CD151: variants seen among roughly 807,000 people sequenced by gnomAD.
CD151 encodes CD151 antigen.
CD151 carries 20 observed loss-of-function variants against 34.2 expected under a neutral mutation model. The ratio of observed to expected loss-of-function variants is 0.58; its 90% CI spans 0.41 to 0.85. CD151 has a LOEUF of 0.85. Ranked by LOEUF, CD151 falls within the 40% of genes least tolerant of loss-of-function variation. The pLI is 0.00. For synonymous variants in CD151, 157 were observed against 131.7 expected, an observed-to-expected ratio of 1.19 and a Z score of -1.32; for missense variants, 306 against 324.5, an observed-to-expected ratio of 0.94 and a Z score of 0.44.
chr11:836,845 T>C lies in CD151; in HGVS notation c.351+2T>C. On this transcript the variant is annotated splice_donor_variant, in intron 5 of 8. Transcript: ENST00000397420. LOFTEE classifies it high-confidence loss of function. ...CTCGCCTACGCCTACTACCAGCAGG[T>C]GAGGGGCCTGGGCAGGCCATTCAGA... 6.2e-7 allele frequency: 1 copy of C among 1,612,156 alleles called. No individual in the cohort carries two copies. Among genetic ancestry groups the C allele is most frequent in the Middle Eastern group, 1.7e-4 (1 of 6,058 alleles).
rs1436831302 is a variant in CD151 at position 836,333 on chromosome 11, C to G, written c.167C>G (p.Thr56Ser). ...TACATCAGCCTGCTGGCCTCAGGCA[C>G]CTACCTGGCCACAGCCTACATCCTG... ...SDYISLLASGTYLATAYILVV... is the reference protein window; with the variant it reads ...SDYISLLASGSYLATAYILVV... The change falls in exon 4 of 9, where the codon ACC becomes AGC. Residue 56 changes from threonine (T) to serine (S), a missense_variant. Coordinates refer to ENST00000397420, the MANE Select transcript of CD151 (RefSeq NM_004357.5). 6.2e-7 allele frequency: 1 copy of G among 1,612,656 alleles called. No homozygotes were observed.
Position 838,555 on chromosome 11 carries a change from C to T in CD151, c.*363C>T, listed in dbSNP as rs1399543977. ...AGGAACTGGGGCCTTGCCTTGCAGC[C>T]ACATGGCCCCATCCCAGTTGGGGAA... On this transcript the variant is annotated 3_prime_UTR_variant, in exon 9 of 9. Transcript: ENST00000397420. The T allele has an allele frequency of 8.6e-6, 3 of 349,064 alleles. No individual in the cohort carries two copies. The highest frequency in any genetic ancestry group is 1.6e-5 in the Non-Finnish European group (3 of 187,184). The allele number at this position is 349,064 out of a possible 1,614,324, so 21.6% of individuals were successfully genotyped here.
chr11:833,119 A>AGGGGCGCGAGGGGGGCGAGGGG (rs1226442366), intron 1 of CD151, 93 bp downstream of exon 1: 1 of 150,856 alleles, frequency 6.6e-6, no homozygotes, highest in African/African-American at 2.4e-5. Flanking sequence ...GAGGGGGCCG[A>AGGGGCGCGAGGGGGGCGAGGGG]AGGCCCTGCG....
rs777968034 is a variant in CD151, at chr11:836,046, C to T, written c.-7-17C>T. On this transcript the variant is annotated splice_polypyrimidine_tract_variant and intron_variant, in intron 2 of 8. Transcript: ENST00000397420. ...CCCGGTGCTGTGGCCCCGCTGACCC[C>T]TCCCCTGCCTCCTCAGCCCCAGGAT... 1.9e-6 allele frequency: 3 copies of T among 1,546,384 alleles called. No individual in the cohort carries two copies. Among genetic ancestry groups the T allele is most frequent in the Non-Finnish European group, 2.7e-6 (3 of 1,119,872 alleles).
intron 7 of CD151, 105 bp downstream of exon 7, chr11:837,723 G>A: frequency 3.2e-6 from 4 of 1,236,756 alleles, no homozygotes; most frequent in Non-Finnish European, 4.6e-6. Flanking sequence ...TCTACCAGGA[G>A]GTGGGGGGTC....
chr11:836,249 A>AGCTG lies in CD151; in HGVS notation c.90_93dup. On this transcript the variant is annotated splice_acceptor_variant, in intron 3 of 8. Coordinates refer to ENST00000397420, the MANE Select transcript of CD151 (RefSeq NM_004357.5). LOFTEE classifies it high-confidence loss of function. ...GCGATGACCTTTGTGTACTGCTTGT[A>AGCTG]GCTGGCTGGCCTGGCTGTCATGGCA... 6.3e-7 allele frequency: 1 copy of AGCTG among 1,596,018 alleles called. No individual in the cohort carries two copies. The highest frequency in any genetic ancestry group is 8.5e-7 in the Non-Finnish European group (1 of 1,170,600).
chr11:836,798 G>T lies in CD151; in HGVS notation c.306G>T (p.Leu102=). The T allele has an allele frequency of 6.2e-7, 1 of 1,612,742 alleles. No individual in the cohort carries two copies. The highest frequency in any genetic ancestry group is 8.5e-7 in the Non-Finnish European group (1 of 1,179,914). ...TCATCCTGCTCCTCATCATCTTTCTGCTGGAGATCATCGCTGGTATCCTCG... is the reference window on the plus strand; with the variant it reads ...TCATCCTGCTCCTCATCATCTTTCTTCTGGAGATCATCGCTGGTATCCTCG... The part of the protein sequence containing the change: ...LYFILLLIIF[L]LEIIAGILAY... The change falls in exon 5 of 9, where the codon CTG becomes CTT. Residue 102 remains leucine (L), a synonymous_variant. Transcript: ENST00000397420.
Position 836,837 on chromosome 11 carries a change from C to A in CD151, c.345C>A (p.Tyr115Ter). The change falls in exon 5 of 9, where the codon TAC becomes TAA. Residue 115 changes from tyrosine to a stop codon, truncating the protein, a stop_gained. Transcript: ENST00000397420. LOFTEE classifies it high-confidence loss of function. ...CTGGTATCCTCGCCTACGCCTACTA[C>A]CAGCAGGTGAGGGGCCTGGGCAGGC... Reference protein sequence around the residue: ...IIAGILAYAYYQQLNTELKEN... With the variant: ...IIAGILAYAY The A allele has an allele frequency of 6.2e-7, 1 of 1,612,596 alleles. No individual in the cohort carries two copies. The highest frequency in any genetic ancestry group is 8.5e-7 in the Non-Finnish European group (1 of 1,179,804).
chr11:838,636 C>T lies in CD151; in HGVS notation c.*444C>T, dbSNP rs1846874687. On this transcript the variant is annotated 3_prime_UTR_variant, in exon 9 of 9. Transcript: ENST00000397420. Reference sequence around the variant, plus strand: ...CCTCTGCCCCTCCCAACCCAGCCCTCGTCTCCCTCGACAGCGCCCCTGCTG... The same window carrying T: ...CCTCTGCCCCTCCCAACCCAGCCCTTGTCTCCCTCGACAGCGCCCCTGCTG... 3 of 232,456 alleles carry T rather than the reference C, an allele frequency of 1.3e-5. No homozygotes were observed. The highest frequency in any genetic ancestry group is 2.2e-4 in the East Asian group (2 of 9,118). 14.4% of individuals were successfully genotyped at this position (232,456 alleles called of 1,614,324 possible). A position where few individuals can be genotyped will look rare whatever the true frequency, so the allele number is the denominator to read the frequency against.
At position 837,330 on chromosome 11, in the gene CD151, C is replaced by T. The variant is rs370838704; in HGVS notation, c.432C>T (p.Ser144=). The T allele has an allele frequency of 1.2e-5, 19 of 1,612,724 alleles. No individual in the cohort carries two copies. Among genetic ancestry groups the T allele is most frequent in the Admixed American group, 5.0e-5 (3 of 60,002 alleles). ...AGCCGGGCCATGAGGCTGTGACCAG[C>T]GCTGTGGACCAGCTGCAGCAGGAGG... ...YHQPGHEAVT[S]AVDQLQQEFH... The change falls in exon 6 of 9, where the codon AGC becomes AGT. Residue 144 remains serine, a synonymous_variant. Transcript: ENST00000397420.
At position 838,296 on chromosome 11, in the gene CD151, A is replaced by T; in HGVS notation, c.*104A>T. On this transcript the variant is annotated 3_prime_UTR_variant, in exon 9 of 9. Transcript: ENST00000397420. ...GACACCCACCCTGTGCCATCACCAT[A>T]ACCTCTGGGGACCCCAACCTCAGAG... is the stretch of plus-strand genomic sequence containing the variant. 1.0e-6 allele frequency: 1 copy of T among 961,188 alleles called. No individual in the cohort carries two copies. The highest frequency in any genetic ancestry group is 2.5e-5 in the East Asian group (1 of 40,618). The allele number at this position is 961,188 out of a possible 1,614,324, so 59.5% of individuals were successfully genotyped here.
Position 836,173 on chromosome 11 carries a change from C to CG in CD151, c.84+20_84+21insG. 4 of 1,028,366 alleles carry CG rather than the reference C, an allele frequency of 3.9e-6. No individual in the cohort carries two copies. The highest frequency in any genetic ancestry group is 6.0e-6 in the Non-Finnish European group (4 of 670,000). 63.7% of individuals were successfully genotyped at this position (1,028,366 alleles called of 1,614,324 possible). On this transcript the variant is annotated intron_variant, in intron 3 of 8. Transcript: ENST00000397420. Reference sequence around the variant, plus strand: ...TTCTGGGTGAGGAGGGGTCGCCTTGCCCCCACCCCCACCCCCACCCCTCCC... The same window carrying CG: ...TTCTGGGTGAGGAGGGGTCGCCTTGCGCCCCACCCCCACCCCCACCCCTCCC...
In CD151 at chr11:837,524, A is replaced by C; in HGVS notation, c.521A>C (p.Glu174Ala). 6.2e-7 allele frequency: 1 copy of C among 1,613,030 alleles called. No homozygotes were observed. The highest frequency in any genetic ancestry group is 2.2e-5 in the East Asian group (1 of 44,880). ...GACAGTGAGTGGATCCGCTCACAGG[A>C]GGCCGGTGGCCGTGTGGTCCCAGAC... The part of the protein sequence containing the change: ...WRDSEWIRSQ[E>A]AGGRVVPDSC... The change falls in exon 7 of 9, where the codon GAG becomes GCG. Residue 174 changes from glutamate to alanine, a missense_variant. Transcript: ENST00000397420.
rs769404021 is a variant in CD151 at position 837,637 on chromosome 11, C to T, written c.615+19C>T. On this transcript the variant is annotated intron_variant, in intron 7 of 8. Coordinates refer to ENST00000397420, the MANE Select transcript of CD151 (RefSeq NM_004357.5). ...GGTGGAGGTGGGTGTGCAGCGGGAT[C>T]ATGCCTCCAGTGTCTACGAGGTGGT... The T allele has an allele frequency of 2.5e-6, 4 of 1,606,244 alleles. No homozygotes were observed. The Admixed American group carries it at 6.7e-5, about 27-fold the overall frequency.
chr11:837,906 CT>C, intron 7 of CD151, 35 bp from the exon 8 acceptor site: 2 of 1,540,302 alleles, frequency 1.3e-6, no homozygotes, highest in African/African-American at 1.4e-5. Flanking sequence ...GAGGTGCCCC[CT>C]GGGCCCGCCT....
At position 838,387 on chromosome 11, in the gene CD151, C is replaced by A. The variant is rs569611178; in HGVS notation, c.*195C>A. On this transcript the variant is annotated 3_prime_UTR_variant, in exon 9 of 9. Transcript: ENST00000397420. ...GGGGAGGTGAGGGGGGCTGGCGGGG[C>A]GAAGTTTGGGGGGTGTTTTGTGGGG... 6 of 503,712 alleles carry A rather than the reference C, an allele frequency of 1.2e-5. No homozygotes were observed. The highest frequency in any genetic ancestry group is 9.8e-5 in the East Asian group (3 of 30,570). The allele number at this position is 503,712 out of a possible 1,614,324, so 31.2% of individuals were successfully genotyped here. A position where few individuals can be genotyped will look rare whatever the true frequency, so the allele number is the denominator to read the frequency against.
rs1248528638 is a variant in CD151, at chr11:836,840, G to C, written c.348G>C (p.Gln116His). The change falls in exon 5 of 9, where the codon CAG becomes CAC. Residue 116 changes from glutamine to histidine, a missense_variant. Gln to His is a conservative substitution (Grantham distance 24). Transcript: ENST00000397420. ...IAGILAYAYY[Q>H]QLNTELKENL... ...GTATCCTCGCCTACGCCTACTACCA[G>C]CAGGTGAGGGGCCTGGGCAGGCCAT... 3.1e-6 allele frequency: 5 copies of C among 1,612,484 alleles called. No homozygotes were observed. The East Asian group carries it at 1.1e-4, about 36-fold the overall frequency.
chr11:838,701 G>C lies in CD151; in HGVS notation c.*509G>C. 4.8e-6 allele frequency: 1 copy of C among 210,188 alleles called. No homozygotes were observed. The highest frequency in any genetic ancestry group is 9.8e-6 in the Non-Finnish European group (1 of 102,556). The allele number at this position is 210,188 out of a possible 1,614,324, so 13.0% of individuals were successfully genotyped here. ...GTCACCACCACCCGAAATGCCACGT[G>C]GTCACTGTGCACTGCCCTGTTCATG... On this transcript the variant is annotated 3_prime_UTR_variant, in exon 9 of 9. Coordinates refer to ENST00000397420, the MANE Select transcript of CD151 (RefSeq NM_004357.5).
intron 7 of CD151, 32 bp from the exon 8 acceptor site, chr11:837,910 G>A (rs1347489962): frequency 1.3e-6 from 2 of 1,558,600 alleles, no homozygotes; most frequent in African/African-American, 2.7e-5. Context: ...TGCCCCCTGG[G>A]CCCGCCTTCA....
Sources: gnomAD v4.1 joint callset for allele counts on GRCh38, gnomAD v4.1.1 for gene constraint, MANE v1.5 for transcripts, NCBI Gene and HGNC (gene_info 2026-07-23, HGNC 2026-07-21) for gene names.